Variants in PLD1 observed in about 807,000 individuals in gnomAD.
PLD1 encodes the protein phospholipase D1, also known as choline phosphatase 1.
Under a neutral mutation model 137.1 loss-of-function variants are expected in PLD1, and 112 were observed. The ratio of observed to expected loss-of-function variants is 0.82; its 90% CI spans 0.70 to 0.96. The LOEUF (loss-of-function observed/expected upper bound fraction) is 0.96. Ranked by LOEUF, PLD1 falls within the 40% of genes least tolerant of loss-of-function variation. The pLI is 0.00. For missense variants in PLD1, 1,321 were observed against 1,342.0 expected (o/e 0.98, Z 0.24); for synonymous variants, 431 against 454.7 (o/e 0.95, Z 0.66).
chr3:171,752,743 T>C (rs778891580), intron 1 of PLD1, among the ~76,000 whole-genome samples: 4 of 152,250 alleles, frequency 2.6e-5, no homozygotes, highest in Non-Finnish European at 5.9e-5. Flanking sequence ...TATTTTACTA[T>C]ATGTGTGTAT....
At chr3:171,744,918 A>G (rs1013215787) in intron 1 of PLD1, among the ~76,000 whole-genome samples, 4 of 152,246 alleles carry the variant, frequency 2.6e-5, no homozygotes, top group Non-Finnish European at 5.9e-5. Flanking sequence ...ACAACCTTGT[A>G]GACAGCTGTT....
At chr3:171,620,770 T>TATA (rs1560151144) in intron 23 of PLD1, among the ~76,000 whole-genome samples, 14 of 107,068 alleles carry the variant, frequency 1.3e-4, no homozygotes, top group African/African-American at 2.3e-4. Flanking sequence ...ATATATATAT[T>TATA]ATATATATTT....
intron 23 of PLD1, among the ~76,000 whole-genome samples, chr3:171,635,427 TTTA>T (rs138861146): frequency 4.0e-5 from 6 of 151,640 alleles, no homozygotes; most frequent in African/African-American, 1.2e-4. Flanking sequence ...TTGCCAATAC[TTTA>T]TTATTATTAT....
At chr3:171,747,606 G>GT (rs908975419) in intron 1 of PLD1, among the ~76,000 whole-genome samples, 4 of 151,612 alleles carry the variant, frequency 2.6e-5, no homozygotes, top group Middle Eastern at 3.4e-3. Flanking sequence ...TTTGTTCATT[G>GT]TTTTTTTCTG....
chr3:171,780,633 GA>G (rs1265090323), intron 1 of PLD1, among the ~76,000 whole-genome samples: 1 of 152,124 alleles, frequency 6.6e-6, no homozygotes, highest in Non-Finnish European at 1.5e-5. Context: ...CAATGATAGA[GA>G]GATCAATTAT....
chr3:171,705,597 T>A (rs1244823326), intron 11 of PLD1, among the ~76,000 whole-genome samples: 1 of 152,158 alleles, frequency 6.6e-6, no homozygotes, highest in African/African-American at 2.4e-5. Flanking sequence ...AATGTCCAAA[T>A]AGCACATGAA....
chr3:171,728,267 G>T (rs1171832878), intron 6 of PLD1, among the ~76,000 whole-genome samples: 1 of 152,202 alleles, frequency 6.6e-6, no homozygotes. Flanking sequence ...AGTGAGCGGA[G>T]ATCGTGCCCC....
rs558739748 is a variant in PLD1, at chr3:171,697,498, A to C, written c.1227+2247T>G. Among the ~76,000 whole-genome samples, 119 of 151,970 alleles carry C rather than the reference A, an allele frequency of 7.8e-4. 1 individual carries two copies. The South Asian group carries it at 1.0e-2, about 13-fold the overall frequency. ...TTCCCCACACCGCCCTGCCCCGCAC[A>C]GTACTGCCCCACTGTCTCCCATAAA... is the stretch of plus-strand genomic sequence containing the variant. On this transcript the variant is annotated intron_variant, in intron 12 of 26. Transcript: ENST00000351298.
intron 23 of PLD1, among the ~76,000 whole-genome samples, chr3:171,638,715 A>G (rs1302963452): frequency 6.6e-6 from 1 of 152,186 alleles, no homozygotes; most frequent in Non-Finnish European, 1.5e-5. Context: ...TGTCTTTAAT[A>G]CAATACCATT....
intron 11 of PLD1, among the ~76,000 whole-genome samples, chr3:171,707,117 G>A (rs1456190150): frequency 1.3e-5 from 2 of 152,160 alleles, no homozygotes; most frequent in African/African-American, 4.8e-5. Flanking sequence ...GCTAAATGAT[G>A]AGAACACATG....
At chr3:171,724,966 G>A (rs539355417) in intron 7 of PLD1, among the ~76,000 whole-genome samples, 178 bp from the exon 8 acceptor site, 3 of 152,018 alleles carry the variant, frequency 2.0e-5, no homozygotes, top group East Asian at 1.9e-4. Context: ...CCCTAGAGGC[G>A]AACCCTAAAA....
chr3:171,707,471 T>C (rs1392839579), intron 11 of PLD1, among the ~76,000 whole-genome samples: 1 of 152,208 alleles, frequency 6.6e-6, no homozygotes, highest in Non-Finnish European at 1.5e-5. Flanking sequence ...CATAAAATAT[T>C]CAACCAAAGA....
At chr3:171,808,795 C>T (rs1045401521) in intron 1 of PLD1, among the ~76,000 whole-genome samples, 1 of 145,848 alleles carries the variant, frequency 6.9e-6, no homozygotes, top group African/African-American at 2.6e-5. Flanking sequence ...GACACTTTTT[C>T]CTCAAAGCCT....
chr3:171,656,141 C>G (rs960979798), intron 21 of PLD1, among the ~76,000 whole-genome samples: 1 of 85,890 alleles, frequency 1.2e-5, no homozygotes, highest in Non-Finnish European at 2.5e-5. Context: ...TTCTTGTAGC[C>G]CTAAAATACT....
intron 19 of PLD1, among the ~76,000 whole-genome samples, chr3:171,668,959 G>A (rs1578229240): frequency 6.6e-6 from 1 of 152,116 alleles, no homozygotes; most frequent in East Asian, 1.9e-4. Flanking sequence ...TGCTACCCAT[G>A]CCTTTTCCTG....
At chr3:171,771,114 A>C (rs1722325082) in intron 1 of PLD1, 1 of 152,222 alleles carries the variant, frequency 6.6e-6, no homozygotes. Flanking sequence ...GCAGCAACCC[A>C]GTCTGTCCTA....
At position 171,692,332 on chromosome 3, in the gene PLD1, C is replaced by T. The variant is rs1327165866; in HGVS notation, c.1338G>A (p.Lys446=). 2 of 1,364,688 alleles carry T rather than the reference C, an allele frequency of 1.5e-6. No individual in the cohort carries two copies. Among genetic ancestry groups the T allele is most frequent in the East Asian group, 2.3e-5 (1 of 43,586 alleles). The allele number at this position is 1,364,688 out of a possible 1,614,324, so 84.5% of individuals were successfully genotyped here. The part of the protein sequence containing the change: ...RTLMRLHPNI[K]VMRHPDHVSS... ...TGGTTATCAAGATGAACCTGAATAC[C>T]TTTATGTTGGGATGTAGACGCATCA... is the stretch of plus-strand genomic sequence containing the variant. The change falls in exon 13 of 27, where the codon AAG becomes AAA. Residue 446 remains lysine, a splice_region_variant and synonymous_variant. Transcript: ENST00000351298.
intron 16 of PLD1, among the ~76,000 whole-genome samples, 194 bp downstream of exon 16, chr3:171,686,491 G>A (rs527887810): frequency 6.6e-6 from 1 of 152,346 alleles, no homozygotes; most frequent in East Asian, 1.9e-4. Context: ...TGTCTTTGCT[G>A]CTATAAGTTC....
intron 1 of PLD1, among the ~76,000 whole-genome samples, chr3:171,770,321 T>C (rs1361303158): frequency 6.6e-6 from 1 of 152,204 alleles, no homozygotes; most frequent in Non-Finnish European, 1.5e-5. Flanking sequence ...TCAATTCTTA[T>C]GCCAGTATTT....
Sources: allele counts gnomAD v4.1 joint callset (sites outside exome capture counted in the v4.1 genomes callset), GRCh38; gene constraint gnomAD v4.1.1; transcripts MANE v1.5; gene names NCBI Gene and HGNC (gene_info 2026-07-23, HGNC 2026-07-21).